HSD17B4: variants seen among roughly 807,000 people sequenced by gnomAD.
The protein encoded by HSD17B4 is hydroxysteroid 17-beta dehydrogenase 4.
A neutral mutation model predicts 101.0 loss-of-function variants in HSD17B4; 70 were observed. That is an observed-to-expected ratio of 0.69 (90% confidence interval 0.57 to 0.85). HSD17B4 has a LOEUF of 0.85. Ranked by LOEUF, HSD17B4 falls within the 40% of genes least tolerant of loss-of-function variation. HSD17B4 has a pLI of 0.00. For missense variants in HSD17B4, 984 were observed against 892.4 expected (o/e 1.10, Z -1.31); for synonymous variants, 347 against 297.1 (o/e 1.17, Z -1.73).
chr5:119,509,114 T>G (rs753371112), intron 15 of HSD17B4, 27 bp from the exon 16 acceptor site: 2 of 1,273,832 alleles, frequency 1.6e-6, no homozygotes, highest in Non-Finnish European at 1.1e-6. Context: ...GTAACTTCTT[T>G]TATTTTTTCT....
intron 4 of HSD17B4, 104 bp from the exon 5 acceptor site, chr5:119,475,602 T>G (rs1356927361): frequency 2.2e-6 from 2 of 901,572 alleles, no homozygotes; most frequent in Non-Finnish European, 3.6e-6. Flanking sequence ...ATATTTACTT[T>G]TTCATGGTTA....
intron 16 of HSD17B4, among the ~76,000 whole-genome samples, chr5:119,514,680 A>G (rs563498059): frequency 6.6e-6 from 1 of 152,180 alleles, no homozygotes; most frequent in Admixed American, 6.5e-5. Flanking sequence ...AGTTGTTTTC[A>G]TCTTTTACAT....
At chr5:119,495,409 T>C (rs1310123334) in intron 11 of HSD17B4, among the ~76,000 whole-genome samples, 1 of 152,212 alleles carries the variant, frequency 6.6e-6, no homozygotes, top group African/African-American at 2.4e-5. Flanking sequence ...GAATTGACTT[T>C]CCAGAGCATC....
At chr5:119,528,359 T>C (rs1195311031) in intron 20 of HSD17B4, among the ~76,000 whole-genome samples, 1 of 152,170 alleles carries the variant, frequency 6.6e-6, no homozygotes, top group African/African-American at 2.4e-5. Context: ...CCTAATTCCT[T>C]TCTGCTGGTT....
chr5:119,523,137 A>G (rs190230412), intron 17 of HSD17B4, among the ~76,000 whole-genome samples: 17 of 148,386 alleles, frequency 1.1e-4, no homozygotes, highest in Admixed American at 6.7e-4. Context: ...CATTATTTGT[A>G]TTTTTTTTTT....
At position 119,477,469 on chromosome 5, in the gene HSD17B4, A is replaced by C. The variant is rs754255447; in HGVS notation, c.402A>C (p.Ala134=). Residue 134 remains alanine, a synonymous_variant, in exon 7 of 24, where the codon GCA becomes GCC. Coordinates refer to ENST00000510025, the MANE Select transcript of HSD17B4 (RefSeq NM_000414.4). The part of the protein sequence containing the change: ...LRGSFQVTRA[A]WEHMKKQKYG... ...GTTCATTCCAAGTGACACGGGCAGCATGGGAACACATGAAGAAACAGAAGT... is the reference window on the plus strand; with the variant it reads ...GTTCATTCCAAGTGACACGGGCAGCCTGGGAACACATGAAGAAACAGAAGT... 2 of 1,613,010 alleles carry C rather than the reference A, an allele frequency of 1.2e-6. No homozygotes were observed. Among genetic ancestry groups the C allele is most frequent in the East Asian group, 4.5e-5 (2 of 44,856 alleles).
chr5:119,504,141 A>G lies in HSD17B4; in HGVS notation c.1261+2049A>G, dbSNP rs954012621. Among the ~76,000 whole-genome samples, 14 of 152,256 alleles carry G rather than the reference A, an allele frequency of 9.2e-5. No homozygotes were observed. The East Asian group carries it at 1.2e-3, about 13-fold the overall frequency. On this transcript the variant is annotated intron_variant, in intron 14 of 23. Coordinates refer to ENST00000510025, the MANE Select transcript of HSD17B4 (RefSeq NM_000414.4). Reference sequence around the variant, plus strand: ...CTTTTTCATGGCTGCGTAGTATTCCATGGTATATATGTACCACATTTTCTT... The same window carrying G: ...CTTTTTCATGGCTGCGTAGTATTCCGTGGTATATATGTACCACATTTTCTT...
chr5:119,474,115 T>G, intron 3 of HSD17B4, 100 bp downstream of exon 3: 1 of 792,242 alleles, frequency 1.3e-6, no homozygotes, highest in Non-Finnish European at 2.2e-6. Flanking sequence ...TCCAGTATAA[T>G]TATGATTTTC....
intron 16 of HSD17B4, among the ~76,000 whole-genome samples, chr5:119,510,112 G>A (rs1752038727): frequency 6.6e-6 from 1 of 152,160 alleles, no homozygotes; most frequent in South Asian, 2.1e-4. Flanking sequence ...AATTGTGTGT[G>A]TTCCTTGAAT....
At chr5:119,498,861 G>GC (rs1353522946) in intron 12 of HSD17B4, among the ~76,000 whole-genome samples, 10 of 152,172 alleles carry the variant, frequency 6.6e-5, no homozygotes, top group African/African-American at 2.4e-4. Flanking sequence ...GCTTGGGCGA[G>GC]AGAGCGAGAC....
intron 14 of HSD17B4, among the ~76,000 whole-genome samples, chr5:119,503,360 C>T (rs75825854): frequency 0.019 from 2,914 of 152,070 alleles, 95 homozygotes; most frequent in African/African-American, 0.066. Context: ...TAGAGAATAA[C>T]TTTTTCATTT....
In HSD17B4 at chr5:119,492,082, T is replaced by C. The variant is rs747310703; in HGVS notation, c.715-18T>C. On this transcript the variant is annotated intron_variant, in intron 9 of 23. Coordinates refer to ENST00000510025, the MANE Select transcript of HSD17B4 (RefSeq NM_000414.4). The stretch of plus-strand genomic sequence containing the variant: ...TTTCACATTAGATGGTATAATGTTT[T>C]CCCCCTCTTTTTGGTAGGTTGGAGC... 8 of 1,602,386 alleles carry C rather than the reference T, an allele frequency of 5.0e-6. No individual in the cohort carries two copies. Among genetic ancestry groups the C allele is most frequent in the Non-Finnish European group, 6.8e-6 (8 of 1,169,626 alleles).
intron 16 of HSD17B4, chr5:119,509,570 C>T (rs1751984325): frequency 2.5e-6 from 1 of 402,708 alleles, no homozygotes; most frequent in Non-Finnish European, 4.7e-6. Context: ...TCTTCTTTTT[C>T]TCAGAGACAA....
At chr5:119,468,408 T>G (rs1002027983) in intron 2 of HSD17B4, among the ~76,000 whole-genome samples, 1 of 147,414 alleles carries the variant, frequency 6.8e-6, no homozygotes, top group Non-Finnish European at 1.5e-5. Flanking sequence ...CAGGTTTTTG[T>G]TTTTTTTTTT....
At chr5:119,517,244 C>T (rs1274878441) in intron 17 of HSD17B4, among the ~76,000 whole-genome samples, 4 of 152,230 alleles carry the variant, frequency 2.6e-5, no homozygotes, top group Non-Finnish European at 4.4e-5. Flanking sequence ...GGGCTTAGCA[C>T]CCAGGCCAGC....
chr5:119,481,353 A>G (rs773639488), intron 8 of HSD17B4, among the ~76,000 whole-genome samples: 2 of 152,136 alleles, frequency 1.3e-5, no homozygotes, highest in African/African-American at 2.4e-5. Context: ...ACTTCCCTCA[A>G]CACCTTGTCT....
At chr5:119,498,095 T>A (rs1286325231) in intron 12 of HSD17B4, among the ~76,000 whole-genome samples, 1 of 152,226 alleles carries the variant, frequency 6.6e-6, no homozygotes, top group Non-Finnish European at 1.5e-5. Flanking sequence ...CTGTTCCTGT[T>A]TGTATTCTTT....
At chr5:119,531,139 T>C (rs1332428838) in intron 21 of HSD17B4, 127 bp from the exon 22 acceptor site, 1 of 828,748 alleles carries the variant, frequency 1.2e-6, no homozygotes, top group Non-Finnish European at 2.0e-6. Flanking sequence ...AAAGACACAT[T>C]GTATGAAGAA....
chr5:119,517,341 G>T (rs951134270), intron 17 of HSD17B4, among the ~76,000 whole-genome samples: 1 of 152,192 alleles, frequency 6.6e-6, no homozygotes, highest in African/African-American at 2.4e-5. Flanking sequence ...CTGCCTTCCC[G>T]CAGGGCAGGG....
Sources: gnomAD v4.1 joint callset for allele counts (sites outside exome capture counted in the v4.1 genomes callset) on GRCh38, gnomAD v4.1.1 for gene constraint, MANE v1.5 for transcripts, NCBI Gene and HGNC (gene_info 2026-07-23, HGNC 2026-07-21) for gene names.